Variants in CCDC192 observed in about 807,000 individuals in gnomAD.
The protein encoded by CCDC192 is coiled-coil domain containing 192.
chr5:127,941,456 T>C lies in CCDC192; in HGVS notation c.810T>C (p.Asp270=). 1 of 399,082 alleles carries C rather than the reference T, an allele frequency of 2.5e-6. No individual in the cohort carries two copies. The highest frequency in any genetic ancestry group is 4.4e-6 in the Non-Finnish European group (1 of 226,056). 24.7% of individuals were successfully genotyped at this position (399,082 alleles called of 1,614,324 possible). A position where few individuals can be genotyped will look rare whatever the true frequency, so the allele number is the denominator to read the frequency against. ...STHDIPPVVS[D]ENL ...ATGACATCCCACCTGTGGTCTCTGA[T>C]GAGAATTTGTAGATTCCCAATAAGA... Residue 270 remains aspartate (D), a synonymous_variant, in exon 7 of 7, where the codon GAT becomes GAC. Transcript: ENST00000514853.
At chr5:127,719,576 T>TATATATAC (rs1751886077) in intron 2 of CCDC192, among the ~76,000 whole-genome samples, 8 of 117,168 alleles carry the variant, frequency 6.8e-5, no homozygotes, top group African/African-American at 2.3e-4. Context: ...TACATATATA[T>TATATATAC]ATATACCAAG....
chr5:127,857,013 G>T (rs1307369705), intron 5 of CCDC192, among the ~76,000 whole-genome samples: 1 of 152,184 alleles, frequency 6.6e-6, no homozygotes, highest in Non-Finnish European at 1.5e-5. Flanking sequence ...ACATCAGATT[G>T]CCACACACTT....
chr5:127,727,585 A>G (rs1166378156), intron 2 of CCDC192, among the ~76,000 whole-genome samples: 1 of 152,240 alleles, frequency 6.6e-6, no homozygotes, highest in Non-Finnish European at 1.5e-5. Flanking sequence ...TCAAAGATCA[A>G]AACTACATAA....
intron 5 of CCDC192, among the ~76,000 whole-genome samples, chr5:127,825,444 A>C (rs1283232976): frequency 6.6e-6 from 1 of 152,192 alleles, no homozygotes; most frequent in East Asian, 1.9e-4. Flanking sequence ...ACCTCTCAGC[A>C]GCATCCCAGT....
rs147945901 is a variant in CCDC192 at position 127,875,284 on chromosome 5, G to A, written c.412-254G>A. On this transcript the variant is annotated intron_variant, in intron 5 of 6. Coordinates refer to ENST00000514853, the MANE Select transcript of CCDC192 (RefSeq NM_001317938.2). The stretch of plus-strand genomic sequence containing the variant: ...TATAAGCAACAGGGTTCTGACCCAG[G>A]TAAAAACTCTTCAACAGTGTAAAAG... Among the ~76,000 whole-genome samples the A allele has an allele frequency of 4.9e-3, 747 of 152,248 alleles. 5 individuals are homozygous for A. The highest frequency in any genetic ancestry group is 0.017 in the African/African-American group (688 of 41,562).
Position 127,892,359 on chromosome 5 carries a change from A to G in CCDC192, c.535+16698A>G, listed in dbSNP as rs75970540. On this transcript the variant is annotated intron_variant, in intron 6 of 6. Transcript: ENST00000514853. ...GTTACCATGTAATTCTGATTACATG[A>G]CAAAGATTAACTCCTGGATGGAACT... Among the ~76,000 whole-genome samples, 214 of 152,358 alleles carry G rather than the reference A, an allele frequency of 1.4e-3. 2 individuals carry two copies. In the East Asian group the frequency reaches 0.015, roughly 11 times the overall value.
At chr5:127,912,188 C>T (rs1018628306) in intron 6 of CCDC192, among the ~76,000 whole-genome samples, 14 of 151,648 alleles carry the variant, frequency 9.2e-5, no homozygotes, top group African/African-American at 3.2e-4. Context: ...TCTCAGCCTC[C>T]TAAAGTGCTG....
intron 5 of CCDC192, among the ~76,000 whole-genome samples, chr5:127,856,755 TG>T (rs1751117146): frequency 1.3e-5 from 2 of 152,290 alleles, no homozygotes; most frequent in Admixed American, 1.3e-4. Flanking sequence ...TGGAGAGATA[TG>T]GGAAAACAGA....
intron 2 of CCDC192, among the ~76,000 whole-genome samples, chr5:127,743,173 A>T (rs1753523058): frequency 6.6e-6 from 1 of 151,854 alleles, no homozygotes; most frequent in African/African-American, 2.4e-5. Flanking sequence ...GCTTCCCTCC[A>T]ACCACCAAGA....
At chr5:127,826,322 T>A (rs1330783864) in intron 5 of CCDC192, among the ~76,000 whole-genome samples, 1 of 152,170 alleles carries the variant, frequency 6.6e-6, no homozygotes. Context: ...GGAAAACTTA[T>A]ACTCTGTTAG....
chr5:127,921,087 A>AGAAAG (rs141415438), intron 6 of CCDC192, among the ~76,000 whole-genome samples: 1,381 of 130,444 alleles, frequency 0.011, 9 homozygotes, highest in East Asian at 0.092. Flanking sequence ...GGAAAGGAAA[A>AGAAAG]GAAAGGAAAG....
At chr5:127,743,498 T>C (rs767594614) in intron 2 of CCDC192, among the ~76,000 whole-genome samples, 7 of 152,206 alleles carry the variant, frequency 4.6e-5, no homozygotes, top group Non-Finnish European at 8.8e-5. Context: ...CAAAGTCACA[T>C]GGTCACTTAG....
chr5:127,828,081 A>G (rs1749620162), intron 5 of CCDC192, among the ~76,000 whole-genome samples: 1 of 151,976 alleles, frequency 6.6e-6, no homozygotes, highest in African/African-American at 2.4e-5. Flanking sequence ...TAATTTTCAT[A>G]TTTTTAGTAG....
At chr5:127,915,808 A>G (rs1305608782) in intron 6 of CCDC192, among the ~76,000 whole-genome samples, 1 of 152,162 alleles carries the variant, frequency 6.6e-6, no homozygotes, top group Non-Finnish European at 1.5e-5. Flanking sequence ...TGGCCTAAGG[A>G]GGCCAAAAGA....
intron 5 of CCDC192, among the ~76,000 whole-genome samples, chr5:127,831,446 C>T (rs551319159): frequency 1.9e-3 from 296 of 152,036 alleles, no homozygotes; most frequent in African/African-American, 6.6e-3. Context: ...ACCCATGTTG[C>T]ATATTGGGCA....
chr5:127,843,501 G>C (rs1046348496), intron 5 of CCDC192, among the ~76,000 whole-genome samples: 1 of 149,728 alleles, frequency 6.7e-6, no homozygotes, highest in Non-Finnish European at 1.5e-5. Context: ...GCAGTGGTGT[G>C]ATCTTGGCTT....
intron 6 of CCDC192, among the ~76,000 whole-genome samples, chr5:127,903,241 ATTT>A (rs748694522): frequency 4.2e-5 from 6 of 143,348 alleles, no homozygotes; most frequent in Non-Finnish European, 3.1e-5. Flanking sequence ...TTTTGGAGGA[ATTT>A]TTTTTTTTTT....
At chr5:127,771,545 A>C (rs185623201) in intron 3 of CCDC192, among the ~76,000 whole-genome samples, 5 of 152,326 alleles carry the variant, frequency 3.3e-5, no homozygotes, top group African/African-American at 1.2e-4. Flanking sequence ...AATCTTTCAG[A>C]AAGAGTAAAC....
intron 6 of CCDC192, among the ~76,000 whole-genome samples, chr5:127,900,281 C>T (rs980534860): frequency 6.6e-6 from 1 of 152,124 alleles, no homozygotes; most frequent in Non-Finnish European, 1.5e-5. Flanking sequence ...CTTAGAGATG[C>T]TACAGCTTTA....
Sources: gnomAD v4.1 joint callset for allele counts (sites outside exome capture counted in the v4.1 genomes callset) on GRCh38, gnomAD v4.1.1 for gene constraint, MANE v1.5 for transcripts, NCBI Gene and HGNC (gene_info 2026-07-23, HGNC 2026-07-21) for gene names.